The following XPNPEP3 variants were observed in gnomAD, a reference collection of about 807,000 sequenced individuals.
The protein encoded by XPNPEP3 is xaa-Pro aminopeptidase 3.
A neutral mutation model predicts 60.0 loss-of-function variants in XPNPEP3; 41 were observed. The ratio of observed to expected loss-of-function variants is 0.68; its 90% CI spans 0.53 to 0.89. The LOEUF is 0.89. XPNPEP3 is among the 40% of genes least tolerant of loss of function. The pLI, the probability that XPNPEP3 is intolerant of heterozygous loss-of-function variation, is 0.00. For synonymous variants in XPNPEP3, 212 were observed against 223.2 expected (o/e 0.95, Z 0.45); for missense variants, 598 against 638.9 (o/e 0.94, Z 0.69).
At chr22:40,885,070 G>A (rs541620903) in intron 3 of XPNPEP3, among the ~76,000 whole-genome samples, 2 of 151,580 alleles carry the variant, frequency 1.3e-5, no homozygotes, top group African/African-American at 2.4e-5. Context: ...TCCATCTATC[G>A]TAAGTAGGAA....
intron 8 of XPNPEP3, among the ~76,000 whole-genome samples, chr22:40,923,313 C>G (rs6002203): frequency 0.055 from 8,307 of 151,852 alleles, 725 homozygotes; most frequent in African/African-American, 0.19. Context: ...ACATTTTTGA[C>G]ACTTCAGCAA....
rs562058329 is a variant in XPNPEP3, at chr22:40,872,665, A to G, written c.181+3550A>G. On this transcript the variant is annotated intron_variant, in intron 2 of 9. Transcript: ENST00000357137. Reference sequence around the variant, plus strand: ...GGGGTTTCACCATGTTGGCCAGGCTAGTCTCGAACTCCTGACCTCAGGTGA... The same window carrying G: ...GGGGTTTCACCATGTTGGCCAGGCTGGTCTCGAACTCCTGACCTCAGGTGA... Among the ~76,000 whole-genome samples, 406 of 151,978 alleles carry G rather than the reference A, an allele frequency of 2.7e-3. 1 individual carries two copies. Among genetic ancestry groups the G allele is most frequent in the Non-Finnish European group, 4.8e-3 (323 of 67,906 alleles).
At chr22:40,907,781 A>T in intron 5 of XPNPEP3, 132 bp downstream of exon 5, 1 of 884,676 alleles carries the variant, frequency 1.1e-6, no homozygotes, top group Non-Finnish European at 1.8e-6. Flanking sequence ...TTGGTTCTGA[A>T]ATATCACTGG....
In XPNPEP3 at chr22:40,927,874, CAAAAAAAAAAAAAAAAAA is replaced by C. The variant is rs1305832579; in HGVS notation, c.*1440_*1457del. 3.6e-5 allele frequency: 2 copies of C among 55,546 alleles called. No homozygotes were observed. The highest frequency in any genetic ancestry group is 7.2e-5 in the Non-Finnish European group (2 of 27,808). The allele number at this position is 55,546 out of a possible 1,614,324, so 3.4% of individuals were successfully genotyped here. A position where few individuals can be genotyped will look rare whatever the true frequency, so the allele number is the denominator to read the frequency against. On this transcript the variant is annotated 3_prime_UTR_variant, in exon 10 of 10. Transcript: ENST00000357137. The stretch of plus-strand genomic sequence containing the variant: ...TGGGTGACAGAGCGAGACTCCGTCT[CAAAAAAAAAAAAAAAAAA>C]GAAAAAAAAAAGAAAGATTTCTTTC...
intron 4 of XPNPEP3, among the ~76,000 whole-genome samples, chr22:40,898,269 C>T (rs1227767696): frequency 5.0e-5 from 2 of 39,772 alleles, no homozygotes; most frequent in South Asian, 1.9e-3. Context: ...TTTTTTGAGA[C>T]GGAGTCTCGC....
intron 2 of XPNPEP3, among the ~76,000 whole-genome samples, chr22:40,877,945 G>A (rs1380938409): frequency 2.0e-5 from 3 of 152,068 alleles, no homozygotes; most frequent in Admixed American, 6.6e-5. Context: ...AGTGGCTCAC[G>A]CCTGTAATCC....
intron 1 of XPNPEP3, chr22:40,862,292 G>GT: frequency 3.7e-6 from 4 of 1,073,402 alleles, no homozygotes; most frequent in Non-Finnish European, 4.5e-6. Context: ...CCTCTGGACT[G>GT]TTTCCCCTGT....
At chr22:40,889,065 G>A (rs1170540612) in intron 4 of XPNPEP3, among the ~76,000 whole-genome samples, 1 of 151,312 alleles carries the variant, frequency 6.6e-6, no homozygotes, top group Non-Finnish European at 1.5e-5. Context: ...ACAGTGTCTC[G>A]CTATTGCTCA....
rs761504767 is a variant in XPNPEP3 at position 40,922,399 on chromosome 22, C to G, written c.1122C>G (p.Leu374=). 1.2e-6 allele frequency: 2 copies of G among 1,613,894 alleles called. No individual in the cohort carries two copies. The highest frequency in any genetic ancestry group is 1.7e-5 in the Admixed American group (1 of 59,982). ...VLEIQRDCLA[L]CFPGTSLENI... ...AGATCCAAAGAGATTGTTTGGCCCT[C>G]TGCTTCCCTGGGACAAGCTTGGAGA... is the stretch of plus-strand genomic sequence containing the variant. Residue 374 remains leucine (L), a synonymous_variant, in exon 8 of 10, where the codon CTC becomes CTG. Coordinates refer to ENST00000357137, the MANE Select transcript of XPNPEP3 (RefSeq NM_022098.4).
At chr22:40,877,048 CTT>C (rs2058030216) in intron 2 of XPNPEP3, among the ~76,000 whole-genome samples, 2 of 152,170 alleles carry the variant, frequency 1.3e-5, no homozygotes, top group Admixed American at 6.5e-5. Flanking sequence ...GGCAGCCACT[CTT>C]TTGGTTTCTG....
chr22:40,883,355 C>CTT (rs1018392317), intron 3 of XPNPEP3, among the ~76,000 whole-genome samples: 7 of 151,832 alleles, frequency 4.6e-5, no homozygotes, highest in Non-Finnish European at 1.0e-4. Context: ...CAGTTGAGTT[C>CTT]TTTTTTTGTT....
intron 4 of XPNPEP3, among the ~76,000 whole-genome samples, chr22:40,888,878 T>TTGTTC (rs2058078793): frequency 6.6e-6 from 1 of 152,110 alleles, no homozygotes; most frequent in African/African-American, 2.4e-5. Context: ...ACACCAACAT[T>TTGTTC]TGTTCTGTTT....
Position 40,926,463 on chromosome 22 carries a change from G to A in XPNPEP3, c.*28G>A. 1 of 1,613,716 alleles carries A rather than the reference G, an allele frequency of 6.2e-7. No homozygotes were observed. Among genetic ancestry groups the A allele is most frequent in the Admixed American group, 1.7e-5 (1 of 60,010 alleles). ...TTCACTGCGGCCCACATGCACCTCA[G>A]GTTCAAAATGGGTGTCTTCTGGCAG... On this transcript the variant is annotated 3_prime_UTR_variant, in exon 10 of 10. Transcript: ENST00000357137.
At chr22:40,889,863 A>G (rs1377326713) in intron 4 of XPNPEP3, among the ~76,000 whole-genome samples, 11 of 152,156 alleles carry the variant, frequency 7.2e-5, no homozygotes, top group Non-Finnish European at 1.5e-4. Context: ...AACATTTACA[A>G]TGATCAGTGA....
At chr22:40,861,212 A>C (rs1460258827) in intron 1 of XPNPEP3, 1 of 1,614,132 alleles carries the variant, frequency 6.2e-7, no homozygotes, top group Non-Finnish European at 8.5e-7. Context: ...TGTCCACGAA[A>C]GTATATTGAG....
At chr22:40,910,138 AC>A (rs1297969906) in intron 6 of XPNPEP3, among the ~76,000 whole-genome samples, 6 of 151,926 alleles carry the variant, frequency 3.9e-5, no homozygotes, top group Non-Finnish European at 7.4e-5. Flanking sequence ...AAAAAAAAAA[AC>A]AAAAATAAAA....
intron 1 of XPNPEP3, chr22:40,859,839 T>C (rs1233527717): frequency 6.6e-6 from 1 of 152,216 alleles, no homozygotes; most frequent in Non-Finnish European, 1.5e-5. Context: ...TTGTAACCCA[T>C]CTATTTTTCT....
intron 4 of XPNPEP3, among the ~76,000 whole-genome samples, chr22:40,898,229 T>TGAG (rs2058117227): frequency 2.2e-4 from 7 of 31,590 alleles, no homozygotes; most frequent in African/African-American, 7.8e-4. Flanking sequence ...TGACCCATTT[T>TGAG]TTTTTTTTTT....
In XPNPEP3 at chr22:40,871,623, G is replaced by A. The variant is rs1253025951; in HGVS notation, c.181+2508G>A. 2.0e-5 allele frequency among the ~76,000 whole-genome samples: 3 copies of A among 152,098 alleles called. No individual in the cohort carries two copies. In the East Asian group the frequency reaches 5.8e-4, roughly 29 times the overall value. On this transcript the variant is annotated intron_variant, in intron 2 of 9. Coordinates refer to ENST00000357137, the MANE Select transcript of XPNPEP3 (RefSeq NM_022098.4). Reference sequence around the variant, plus strand: ...AACTCAGAGAAAGCCACTGTTGAGAGGATTTTGGTATATGTTTCTTTTTAG... The same window carrying A: ...AACTCAGAGAAAGCCACTGTTGAGAAGATTTTGGTATATGTTTCTTTTTAG...
Sources: allele counts gnomAD v4.1 joint callset (sites outside exome capture counted in the v4.1 genomes callset), GRCh38; gene constraint gnomAD v4.1.1; transcripts MANE v1.5; gene names NCBI Gene and HGNC (gene_info 2026-07-23, HGNC 2026-07-21).